Variants in ZCCHC4 observed in about 807,000 individuals in gnomAD.
ZCCHC4 encodes the protein zinc finger CCHC-type containing 4.
In ZCCHC4, 54 loss-of-function variants were observed where a neutral mutation model predicts 67.7. The ratio of observed to expected loss-of-function variants is 0.80; its 90% CI spans 0.64 to 1.00. The LOEUF (loss-of-function observed/expected upper bound fraction) is 1.00. ZCCHC4 is among the 50% of genes least tolerant of loss of function. The probability of loss-of-function intolerance (pLI) is 0.00; values close to 1 mark genes in which losing one functional copy is unlikely to be tolerated. For synonymous variants in ZCCHC4, 198 were observed against 213.5 expected, an observed-to-expected ratio of 0.93 and a Z score of 0.63; for missense variants, 609 against 617.0, an observed-to-expected ratio of 0.99 and a Z score of 0.14.
At chr4:25,335,482 C>T (rs73096481) in intron 5 of ZCCHC4, among the ~76,000 whole-genome samples, 4,363 of 152,078 alleles carry the variant, frequency 0.029, 102 homozygotes, top group African/African-American at 0.051. Context: ...GTAGCCTGGC[C>T]GGGTACAGTG....
At chr4:25,368,609 A>G (rs1173242000) in intron 12 of ZCCHC4, among the ~76,000 whole-genome samples, 2 of 152,074 alleles carry the variant, frequency 1.3e-5, no homozygotes, top group Non-Finnish European at 2.9e-5. Context: ...GTGCTGTTTC[A>G]TTTTTCTGTC....
chr4:25,320,345 G>A (rs960355615), intron 3 of ZCCHC4, among the ~76,000 whole-genome samples: 13 of 151,950 alleles, frequency 8.6e-5, no homozygotes, highest in South Asian at 2.1e-4. Context: ...GTTTTGTTTC[G>A]TTGATATTTC....
intron 10 of ZCCHC4, 37 bp from the exon 11 acceptor site, chr4:25,364,413 CAAAT>C: frequency 1.5e-6 from 2 of 1,362,436 alleles, no homozygotes; most frequent in African/African-American, 1.5e-5. Context: ...TTTTTAATAA[CAAAT>C]TAATTATAAT....
chr4:25,365,907 T>A, intron 12 of ZCCHC4: 1 of 984,236 alleles, frequency 1.0e-6, no homozygotes, highest in Non-Finnish European at 1.2e-6. Context: ...TGATAGTGAT[T>A]AAGTCCTCTT....
intron 4 of ZCCHC4, 72 bp downstream of exon 4, chr4:25,333,530 G>C: frequency 6.7e-7 from 1 of 1,482,372 alleles, no homozygotes; most frequent in South Asian, 1.2e-5. Flanking sequence ...TTATTAAGTA[G>C]TTACTTACTC....
chr4:25,350,231 C>T lies in ZCCHC4; in HGVS notation c.910+589C>T, dbSNP rs574939853. ...TCAGTTTAAGTGACTTAGCCGTGTA[C>T]GGTCTTCAGGCAGGTACTGCTTCTT... On this transcript the variant is annotated intron_variant, in intron 7 of 12. Coordinates refer to ENST00000302874, the MANE Select transcript of ZCCHC4 (RefSeq NM_024936.3). Among the ~76,000 whole-genome samples the T allele has an allele frequency of 5.4e-5, 8 of 147,226 alleles. No individual in the cohort carries two copies. In the South Asian group the frequency reaches 6.6e-4, roughly 12 times the overall value.
intron 8 of ZCCHC4, among the ~76,000 whole-genome samples, chr4:25,360,496 G>C (rs188819): frequency 0.29 from 43,960 of 152,118 alleles, 7,222 homozygotes; most frequent in African/African-American, 0.46. Context: ...ATATGCTGCC[G>C]TTCAGATTCA....
chr4:25,321,816 A>AG (rs1490470313), intron 3 of ZCCHC4, among the ~76,000 whole-genome samples: 1 of 152,172 alleles, frequency 6.6e-6, no homozygotes, highest in Non-Finnish European at 1.5e-5. Flanking sequence ...TACCTGGCCA[A>AG]GGGATATTTA....
At chr4:25,323,210 A>G (rs1718677193) in intron 3 of ZCCHC4, among the ~76,000 whole-genome samples, 1 of 152,188 alleles carries the variant, frequency 6.6e-6, no homozygotes, top group African/African-American at 2.4e-5. Flanking sequence ...TTGTTTATGC[A>G]TTCATTAGCT....
At chr4:25,365,789 G>T (rs574999479) in intron 12 of ZCCHC4, 3 of 985,342 alleles carry the variant, frequency 3.0e-6, no homozygotes, top group African/African-American at 1.7e-5. Flanking sequence ...TTTAGAAGAG[G>T]CACTGCTTCT....
chr4:25,365,866 A>G (rs1720920711), intron 12 of ZCCHC4: 1 of 985,254 alleles, frequency 1.0e-6, no homozygotes. Context: ...GCTAATTTGA[A>G]TGATTATACT....
At chr4:25,348,302 GT>G (rs1720120109) in intron 6 of ZCCHC4, among the ~76,000 whole-genome samples, 1 of 152,148 alleles carries the variant, frequency 6.6e-6, no homozygotes. Flanking sequence ...TGATTTCGCG[GT>G]AGAACAAAAT....
At chr4:25,366,226 T>C in intron 12 of ZCCHC4, 1 of 932,808 alleles carries the variant, frequency 1.1e-6, no homozygotes, top group Non-Finnish European at 1.3e-6. Context: ...GTTCCTACAT[T>C]TACTCTACTT....
Position 25,333,909 on chromosome 4 carries a change from T to A in ZCCHC4, c.607T>A (p.Leu203Met). Reference protein sequence around the residue: ...RRVLCVGTPRLHELIKLTASG... With the variant: ...RRVLCVGTPRMHELIKLTASG... ...ATTTGCTTTCACTAATTGCTTTAGG[T>A]TGCATGAGCTGATCAAGTTGACAGC... The change falls in exon 5 of 13, where the codon TTG becomes ATG. Residue 203 changes from leucine (L) to methionine (M), a missense_variant and splice_region_variant. Leu to Met is a conservative substitution (Grantham distance 15). Transcript: ENST00000302874. 6.3e-7 allele frequency: 1 copy of A among 1,588,132 alleles called. No homozygotes were observed. The highest frequency in any genetic ancestry group is 8.5e-7 in the Non-Finnish European group (1 of 1,172,606).
intron 3 of ZCCHC4, among the ~76,000 whole-genome samples, chr4:25,316,634 C>CTGTT (rs139337780): frequency 0.52 from 78,972 of 151,626 alleles, 21,766 homozygotes; most frequent in Non-Finnish European, 0.61. Context: ...GGAAAAATGT[C>CTGTT]TGAGTCCTTT....
intron 12 of ZCCHC4, chr4:25,365,457 G>T (rs1720904993): frequency 1.8e-6 from 2 of 1,123,866 alleles, no homozygotes; most frequent in Non-Finnish European, 2.2e-6. Context: ...AAAGTTATAG[G>T]GGGTGACAGT....
At chr4:25,358,062 T>A (rs1720582497) in intron 8 of ZCCHC4, among the ~76,000 whole-genome samples, 1 of 152,192 alleles carries the variant, frequency 6.6e-6, no homozygotes, top group African/African-American at 2.4e-5. Context: ...TTGTGGATAA[T>A]AGGTTGGAGG....
chr4:25,325,649 C>T (rs1718842764), intron 3 of ZCCHC4, among the ~76,000 whole-genome samples: 2 of 152,060 alleles, frequency 1.3e-5, no homozygotes, highest in Non-Finnish European at 2.9e-5. Flanking sequence ...TTAAGAGTAT[C>T]TTTTGAAGAA....
At chr4:25,313,444 T>A (rs536594061) in intron 1 of ZCCHC4, among the ~76,000 whole-genome samples, 35 of 152,308 alleles carry the variant, frequency 2.3e-4, no homozygotes, top group African/African-American at 8.4e-4. Flanking sequence ...CTTGTTTTAG[T>A]CTCAGGTTTG....
Sources: allele counts gnomAD v4.1 joint callset (sites outside exome capture counted in the v4.1 genomes callset), GRCh38; gene constraint gnomAD v4.1.1; transcripts MANE v1.5; gene names NCBI Gene and HGNC (gene_info 2026-07-23, HGNC 2026-07-21).